LOC128462377: variants seen among roughly 807,000 people sequenced by gnomAD.
the LOC128462377 span, among the ~76,000 whole-genome samples, chr16:89,322,869 G>C: frequency 6.6e-6 from 1 of 152,134 alleles, no homozygotes; most frequent in African/African-American, 2.4e-5. Context: ...TTGTTTGTTT[G>C]AGACAGCTGT....
the LOC128462377 span, among the ~76,000 whole-genome samples, chr16:89,399,685 C>T: frequency 6.6e-6 from 1 of 152,250 alleles, no homozygotes; most frequent in Admixed American, 6.5e-5. Context: ...GTCTCCAGGG[C>T]GGTCGCGACT....
At chr16:89,375,993 C>T in the LOC128462377 span, among the ~76,000 whole-genome samples, 2 of 152,114 alleles carry the variant, frequency 1.3e-5, no homozygotes, top group Non-Finnish European at 2.9e-5. Flanking sequence ...TTTTCAAAAT[C>T]GATAAATCCA....
chr16:89,402,671 G>A, the LOC128462377 span, among the ~76,000 whole-genome samples: 1 of 148,534 alleles, frequency 6.7e-6, no homozygotes, highest in African/African-American at 2.5e-5. Context: ...GGTGAAGGGG[G>A]TGGTTCTGCG....
chr16:89,377,151 G>T, the LOC128462377 span, among the ~76,000 whole-genome samples: 1 of 152,166 alleles, frequency 6.6e-6, no homozygotes, highest in Non-Finnish European at 1.5e-5. Context: ...CAGCAGAGGC[G>T]TCAACGTGGT....
At chr16:89,389,907 G>GAGA in the LOC128462377 span, among the ~76,000 whole-genome samples, 6 of 101,710 alleles carry the variant, frequency 5.9e-5, no homozygotes, top group Admixed American at 1.1e-4. Context: ...AGCACCGAGA[G>GAGA]AGATCACTGG....
chr16:89,321,539 T>G, the LOC128462377 span, among the ~76,000 whole-genome samples: 1 of 152,258 alleles, frequency 6.6e-6, no homozygotes, highest in East Asian at 1.9e-4. Flanking sequence ...GCCAGAGGCC[T>G]TGGCATCACC....
At chr16:89,340,974 T>G in the LOC128462377 span, among the ~76,000 whole-genome samples, 2 of 152,174 alleles carry the variant, frequency 1.3e-5, no homozygotes, top group Admixed American at 6.5e-5. Context: ...TGGACGGACA[T>G]TCTACCTTCC....
the LOC128462377 span, among the ~76,000 whole-genome samples, chr16:89,360,012 G>C: frequency 2.0e-5 from 3 of 152,008 alleles, no homozygotes; most frequent in African/African-American, 7.3e-5. Flanking sequence ...CCAGTACTAA[G>C]CCCAGTACCC....
At chr16:89,405,270 C>T in the LOC128462377 span, among the ~76,000 whole-genome samples, 1 of 152,148 alleles carries the variant, frequency 6.6e-6, no homozygotes, top group Non-Finnish European at 1.5e-5. Flanking sequence ...AATGCCGTTA[C>T]GTGGGGCATG....
chr16:89,371,490 G>A, the LOC128462377 span, among the ~76,000 whole-genome samples: 1 of 152,226 alleles, frequency 6.6e-6, no homozygotes, highest in Non-Finnish European at 1.5e-5. Flanking sequence ...CTGGTGCCCA[G>A]GCTATGTGGT....
chr16:89,384,120 C>T, the LOC128462377 span, among the ~76,000 whole-genome samples: 3 of 152,034 alleles, frequency 2.0e-5, no homozygotes, highest in East Asian at 1.9e-4. Flanking sequence ...CTCAGGAGGC[C>T]GAGGCAGGGA....
chr16:89,325,771 G>C, the LOC128462377 span, among the ~76,000 whole-genome samples: 1 of 152,178 alleles, frequency 6.6e-6, no homozygotes, highest in African/African-American at 2.4e-5. Flanking sequence ...AGAGATAAAG[G>C]CCACACTATG....
the LOC128462377 span, among the ~76,000 whole-genome samples, chr16:89,413,765 A>C: frequency 1.3e-5 from 2 of 152,176 alleles, no homozygotes; most frequent in Non-Finnish European, 2.9e-5. Flanking sequence ...GAAACAGCCG[A>C]CAAGCTCCCC....
At chr16:89,345,792 G>A in the LOC128462377 span, among the ~76,000 whole-genome samples, 2 of 152,204 alleles carry the variant, frequency 1.3e-5, no homozygotes, top group African/African-American at 4.8e-5. Flanking sequence ...TGCACACCAG[G>A]CTGGGCTTCC....
chr16:89,353,264 C>T, the LOC128462377 span, among the ~76,000 whole-genome samples: 1 of 151,662 alleles, frequency 6.6e-6, no homozygotes, highest in Non-Finnish European at 1.5e-5. Flanking sequence ...ATTGCTTCAA[C>T]TCAGGAGGCG....
chr16:89,323,173 G>C, the LOC128462377 span: 6 of 511,752 alleles, frequency 1.2e-5, no homozygotes, highest in Admixed American at 2.8e-5. Context: ...CAGGAGTGGT[G>C]CCTTGTGCAC....
chr16:89,336,307 C>T, the LOC128462377 span, among the ~76,000 whole-genome samples: 8 of 152,226 alleles, frequency 5.3e-5, no homozygotes, highest in Middle Eastern at 3.2e-3. Flanking sequence ...AATGCACACA[C>T]GCCAGGGCAC....
At chr16:89,376,528 G>A in the LOC128462377 span, among the ~76,000 whole-genome samples, 1 of 152,154 alleles carries the variant, frequency 6.6e-6, no homozygotes, top group Admixed American at 6.5e-5. Flanking sequence ...ACTTCCACCT[G>A]CTGGGTTCAA....
At chr16:89,364,513 C>A in the LOC128462377 span, among the ~76,000 whole-genome samples, 2 of 152,190 alleles carry the variant, frequency 1.3e-5, no homozygotes, top group Non-Finnish European at 2.9e-5. Context: ...TTTTTCTTAA[C>A]CTATTCGCCC....
Sources: allele counts gnomAD v4.1 joint callset (sites outside exome capture counted in the v4.1 genomes callset), GRCh38; gene constraint gnomAD v4.1.1; transcripts MANE v1.5.